SHPRH: variants seen among roughly 807,000 people sequenced by gnomAD.
The protein encoded by SHPRH is E3 ubiquitin-protein ligase SHPRH.
A neutral mutation model predicts 202.5 loss-of-function variants in SHPRH; 106 were observed. That is an observed-to-expected ratio of 0.52 (90% CI 0.45 to 0.62). The LOEUF (loss-of-function observed/expected upper bound fraction) is 0.62. Ranked by LOEUF, SHPRH falls within the 20% of genes least tolerant of loss-of-function variation. SHPRH has a pLI of 0.00. For synonymous variants in SHPRH, 729 were observed against 686.0 expected (o/e 1.06, Z -0.98); for missense variants, 1,710 against 2,020.0 (o/e 0.85, Z 2.94).
intron 2 of SHPRH, 62 bp downstream of exon 2, chr6:145,954,628 A>C: frequency 6.7e-7 from 1 of 1,498,782 alleles, no homozygotes; most frequent in East Asian, 2.3e-5. Flanking sequence ...TCACAAGTTA[A>C]TTTAAAATTG....
Position 145,945,464 on chromosome 6 carries a change from T to C in SHPRH, c.1495A>G (p.Ile499Val). 6.2e-7 allele frequency: 1 copy of C among 1,613,250 alleles called. No individual in the cohort carries two copies. Among genetic ancestry groups the C allele is most frequent in the Middle Eastern group, 1.7e-4 (1 of 6,056 alleles). Reference sequence around the variant, plus strand: ...GTCCCAGAAAAACCATGGCCTTTGATCTGTTTCACGAGACCTTCAAAAATT... The same window carrying C: ...GTCCCAGAAAAACCATGGCCTTTGACCTGTTTCACGAGACCTTCAAAAATT... ...CLIFEGLVKQ[I>V]KGHGFSGTFT... Residue 499 changes from isoleucine (I) to valine (V), a missense_variant, in exon 8 of 30, where the codon ATC becomes GTC. By Grantham distance (29) the Ile-to-Val change is conservative. Transcript: ENST00000275233.
At chr6:145,902,163 G>A (rs1438261180) in intron 25 of SHPRH, among the ~76,000 whole-genome samples, 1 of 152,066 alleles carries the variant, frequency 6.6e-6, no homozygotes, top group Non-Finnish European at 1.5e-5. Context: ...AAAGTTAAAA[G>A]CTCCAGAATT....
intron 3 of SHPRH, 87 bp from the exon 4 acceptor site, chr6:145,950,569 T>C: frequency 7.8e-7 from 1 of 1,279,000 alleles, no homozygotes; most frequent in Non-Finnish European, 1.1e-6. Flanking sequence ...TACAATGAAC[T>C]TGCCCAACTC....
rs746702593 is a variant in SHPRH, at chr6:145,945,435, A to T, written c.1524T>A (p.Phe508Leu). 2.5e-6 allele frequency: 4 copies of T among 1,612,956 alleles called. No homozygotes were observed. Among genetic ancestry groups the T allele is most frequent in the Non-Finnish European group, 3.4e-6 (4 of 1,179,436 alleles). Residue 508 changes from phenylalanine (F) to leucine (L), a missense_variant, in exon 8 of 30, where the codon TTT becomes TTA. By Grantham distance (22) the Phe-to-Leu change is conservative. Coordinates refer to ENST00000275233, the MANE Select transcript of SHPRH (RefSeq NM_001042683.3). ...QIKGHGFSGTFTLGKNYKEED... is the reference protein window; with the variant it reads ...QIKGHGFSGTLTLGKNYKEED... Reference sequence around the variant, plus strand: ...CTTCCTTGTAATTCTTTCCCAATGTAAAAGTCCCAGAAAAACCATGGCCTT... The same window carrying T: ...CTTCCTTGTAATTCTTTCCCAATGTTAAAGTCCCAGAAAAACCATGGCCTT...
intron 2 of SHPRH, among the ~76,000 whole-genome samples, chr6:145,878,760 C>A (rs1780421526): frequency 6.6e-6 from 1 of 152,142 alleles, no homozygotes; most frequent in Non-Finnish European, 1.5e-5. Context: ...CTGTTCCTTT[C>A]TACTTGAGAT....
chr6:145,918,321 T>G, intron 22 of SHPRH, 89 bp from the exon 23 acceptor site: 1 of 812,950 alleles, frequency 1.2e-6, no homozygotes, highest in Admixed American at 4.0e-5. Context: ...GTAATACAAA[T>G]GTATTGTTTT....
intron 23 of SHPRH, among the ~76,000 whole-genome samples, chr6:145,915,346 C>T (rs901464457): frequency 2.6e-5 from 4 of 151,330 alleles, no homozygotes; most frequent in Admixed American, 6.6e-5. Flanking sequence ...AGTCAATATC[C>T]TTGCATATTT....
intron 25 of SHPRH, among the ~76,000 whole-genome samples, chr6:145,902,044 G>A (rs554645573): frequency 6.6e-6 from 1 of 152,206 alleles, no homozygotes; most frequent in Non-Finnish European, 1.5e-5. Context: ...GCGCAAGGCT[G>A]TTATCTCTCC....
intron 2 of SHPRH, among the ~76,000 whole-genome samples, chr6:145,954,008 A>C (rs1053004534): frequency 5.3e-5 from 8 of 151,886 alleles, no homozygotes; most frequent in Admixed American, 1.3e-4. Context: ...CAAAAAAAAA[A>C]ATCTACCAGA....
chr6:145,919,635 T>C (rs780799905), intron 21 of SHPRH, 144 bp from the exon 22 acceptor site: 10 of 875,718 alleles, frequency 1.1e-5, no homozygotes, highest in African/African-American at 3.5e-5. Context: ...GTTCCTGGGG[T>C]CATTTTTAGG....
At chr6:145,886,975 T>G (rs1014010221) in intron 29 of SHPRH, among the ~76,000 whole-genome samples, 188 bp from the exon 30 acceptor site, 1 of 152,230 alleles carries the variant, frequency 6.6e-6, no homozygotes, top group African/African-American at 2.4e-5. Context: ...TTCTATATAT[T>G]ACTTTTAGTG....
chr6:145,922,300 C>T lies in SHPRH; in HGVS notation c.3768G>A (p.Lys1256=). The T allele has an allele frequency of 6.4e-7, 1 of 1,568,076 alleles. No homozygotes were observed. ...AGAGAACTTACGTGTTGGAAAATAG[C>T]TTTGATTCATACTCTGTGAACAATT... ...ADELFTEYES[K]LFSNTVKGQT... Residue 1256 remains lysine (K), a synonymous_variant, in exon 20 of 30, where the codon AAG becomes AAA. Transcript: ENST00000275233.
At chr6:145,919,868 CTCA>C (rs1322221520) in intron 21 of SHPRH, among the ~76,000 whole-genome samples, 4 of 152,020 alleles carry the variant, frequency 2.6e-5, no homozygotes, top group Non-Finnish European at 5.9e-5. Context: ...CAATCAAGTA[CTCA>C]TCATTTAATT....
chr6:145,941,638 C>T lies in SHPRH; in HGVS notation c.2475G>A (p.Glu825=). 1 of 1,613,900 alleles carries T rather than the reference C, an allele frequency of 6.2e-7. No individual in the cohort carries two copies. The highest frequency in any genetic ancestry group is 8.5e-7 in the Non-Finnish European group (1 of 1,179,878). ...AAACTCTCACTTTTACTGTGGGACA[C>T]TCAACCATCTGAGCTTCATCAAGGC... The part of the protein sequence containing the change: ...RICLDEAQMV[E]CPTVKAAEMA... The change falls in exon 10 of 30, where the codon GAG becomes GAA. Residue 825 remains glutamate, a synonymous_variant. Coordinates refer to ENST00000275233, the MANE Select transcript of SHPRH (RefSeq NM_001042683.3).
chr6:145,943,787 T>G lies in SHPRH; in HGVS notation c.1594A>C (p.Arg532=). Residue 532 remains arginine, a synonymous_variant, in exon 9 of 30, where the codon AGG becomes CGG. Coordinates refer to ENST00000275233, the MANE Select transcript of SHPRH (RefSeq NM_001042683.3). The part of the protein sequence containing the change: ...KTKKQAVGSP[R]KIQKETRKSG... Reference sequence around the variant, plus strand: ...TTTCTAGTTTCTTTCTGAATTTTCCTTGGACTCCCTACTGCCTATGAAAAA... The same window carrying G: ...TTTCTAGTTTCTTTCTGAATTTTCCGTGGACTCCCTACTGCCTATGAAAAA... The G allele has an allele frequency of 6.3e-7, 1 of 1,584,438 alleles. No homozygotes were observed. The highest frequency in any genetic ancestry group is 8.5e-7 in the Non-Finnish European group (1 of 1,170,822).
At chr6:145,947,920 T>TA (rs564194230) in intron 5 of SHPRH, among the ~76,000 whole-genome samples, 21 of 150,464 alleles carry the variant, frequency 1.4e-4, no homozygotes, top group Non-Finnish European at 2.2e-4. Flanking sequence ...AATCTATGAA[T>TA]AAAAAAAAAT....
At chr6:145,927,427 T>G in intron 14 of SHPRH, 150 bp from the exon 15 acceptor site, 1 of 623,648 alleles carries the variant, frequency 1.6e-6, no homozygotes, top group South Asian at 2.7e-5. Flanking sequence ...GGTATTAATA[T>G]GATTGCCCAA....
intron 1 of SHPRH, among the ~76,000 whole-genome samples, chr6:145,963,425 C>T (rs539697112): frequency 5.7e-4 from 87 of 152,242 alleles, no homozygotes; most frequent in African/African-American, 2.0e-3. Context: ...TAATGTCAAA[C>T]TACTTGGAAA....
At chr6:145,950,195 C>T in intron 4 of SHPRH, 69 bp downstream of exon 4, 1 of 1,307,214 alleles carries the variant, frequency 7.6e-7, no homozygotes, top group East Asian at 2.3e-5. Context: ...ATCAATTTCA[C>T]CCTGCCCTAA....
Sources: allele counts gnomAD v4.1 joint callset (sites outside exome capture counted in the v4.1 genomes callset), GRCh38; gene constraint gnomAD v4.1.1; transcripts MANE v1.5; gene names NCBI Gene and HGNC (gene_info 2026-07-23, HGNC 2026-07-21).